VWA3B: variants seen among roughly 807,000 people sequenced by gnomAD.
The protein encoded by VWA3B is von Willebrand factor A domain containing 3B.
Under a neutral mutation model 158.3 loss-of-function variants are expected in VWA3B, and 138 were observed. That is an observed-to-expected ratio of 0.87 (90% confidence interval 0.76 to 1.00). VWA3B has a LOEUF of 1.00. Among genes scored for constraint, VWA3B ranks in the 50% least tolerant of loss-of-function variants. The pLI is 0.00. For missense variants in VWA3B, 1,555 were observed against 1,565.1 expected (o/e 0.99, Z 0.11); for synonymous variants, 596 against 587.3 (o/e 1.01, Z -0.21).
intron 2 of VWA3B, among the ~76,000 whole-genome samples, chr2:98,102,519 G>A (rs954015496): frequency 2.0e-5 from 3 of 152,014 alleles, no homozygotes; most frequent in Non-Finnish European, 2.9e-5. Context: ...CTTCCCAGAC[G>A]GGGTGGCGGC....
chr2:98,268,033 T>A (rs1203341864), intron 21 of VWA3B, among the ~76,000 whole-genome samples: 1 of 151,934 alleles, frequency 6.6e-6, no homozygotes, highest in Non-Finnish European at 1.5e-5. Context: ...GGATCTGAAA[T>A]TGTGGCAATA....
Position 98,133,851 on chromosome 2 carries a change from G to A in VWA3B, c.900G>A (p.Glu300=). Residue 300 remains glutamate (E), a synonymous_variant, in exon 7 of 28, where the codon GAG becomes GAA. Transcript: ENST00000477737. ...SRFHAFAERT[E]CVEFPAFSTK... is the part of the protein sequence containing the mutation. ...TCCACGCATTTGCCGAGAGAACAGA[G>A]TGTGTAGAATTTCCTGCATTCTCCA... is the stretch of plus-strand genomic sequence containing the variant. 6.2e-7 allele frequency: 1 copy of A among 1,614,146 alleles called. No homozygotes were observed. The highest frequency in any genetic ancestry group is 8.5e-7 in the Non-Finnish European group (1 of 1,180,026).
At chr2:98,234,627 T>G (rs1292822304) in intron 16 of VWA3B, 21 bp from the exon 17 acceptor site, 3 of 1,614,080 alleles carry the variant, frequency 1.9e-6, no homozygotes, top group Admixed American at 1.7e-5. Flanking sequence ...CCTTTAACTC[T>G]TCCCTCTGTG....
intron 19 of VWA3B, among the ~76,000 whole-genome samples, chr2:98,248,913 C>CTCCT (rs145705950): frequency 1.4e-4 from 18 of 132,730 alleles, no homozygotes; most frequent in Admixed American, 5.4e-4. Flanking sequence ...CTTTCTTTCT[C>CTCCT]TCCTTCCTTC....
At chr2:98,179,496 CTG>C (rs1680293661) in intron 8 of VWA3B, among the ~76,000 whole-genome samples, 1 of 152,188 alleles carries the variant, frequency 6.6e-6, no homozygotes, top group Admixed American at 6.5e-5. Flanking sequence ...GAAAGCCAGG[CTG>C]TGAGTCAGGA....
intron 14 of VWA3B, among the ~76,000 whole-genome samples, chr2:98,227,760 G>T (rs1685030242): frequency 1.3e-5 from 2 of 152,220 alleles, no homozygotes; most frequent in African/African-American, 4.8e-5. Flanking sequence ...TTGTAGGAGG[G>T]TGTGCAGATT....
At chr2:98,258,214 T>C (rs1376714956) in intron 21 of VWA3B, among the ~76,000 whole-genome samples, 2 of 151,980 alleles carry the variant, frequency 1.3e-5, no homozygotes, top group African/African-American at 2.4e-5. Context: ...CACTGGTCTA[T>C]ATATGACTAT....
intron 5 of VWA3B, among the ~76,000 whole-genome samples, chr2:98,122,742 G>A (rs1269182163): frequency 6.6e-6 from 1 of 152,188 alleles, no homozygotes; most frequent in Non-Finnish European, 1.5e-5. Context: ...GGATCCGCCA[G>A]TGACCCTGTC....
At chr2:98,212,361 AT>A (rs976548148) in intron 13 of VWA3B, among the ~76,000 whole-genome samples, 2 of 151,964 alleles carry the variant, frequency 1.3e-5, no homozygotes, top group South Asian at 2.1e-4. Context: ...ATTCTTTTTG[AT>A]TTTTTTTCCT....
chr2:98,326,167 A>G, the VWA3B span, among the ~76,000 whole-genome samples: 2 of 152,160 alleles, frequency 1.3e-5, no homozygotes, highest in East Asian at 1.9e-4. Context: ...ACATAGATAA[A>G]CCTCTAATTA....
intron 19 of VWA3B, among the ~76,000 whole-genome samples, chr2:98,243,882 A>G (rs534579531): frequency 6.6e-6 from 1 of 152,140 alleles, no homozygotes; most frequent in South Asian, 2.1e-4. Context: ...CACACATCCA[A>G]TCAGAACCTC....
At position 98,133,934 on chromosome 2, in the gene VWA3B, C is replaced by A. The variant is rs1484847765; in HGVS notation, c.983C>A (p.Pro328His). 6.2e-7 allele frequency: 1 copy of A among 1,613,790 alleles called. No homozygotes were observed. Among genetic ancestry groups the A allele is most frequent in the Admixed American group, 1.7e-5 (1 of 60,008 alleles). Residue 328 changes from proline (P) to histidine (H), a missense_variant, in exon 7 of 28, where the codon CCT (proline) becomes CAT (histidine). Pro to His is a moderately conservative substitution (Grantham distance 77, BLOSUM62 -2). Coordinates refer to ENST00000477737, the MANE Select transcript of VWA3B (RefSeq NM_144992.5). ...TCAAGGAAACTGAAAGGAAAACTCC[C>A]TCCAGGTACCTGGAATCCAAAAGAA... Reference protein sequence around the residue: ...WNSRKLKGKLPPGAGVREDVF... With the variant: ...WNSRKLKGKLHPGAGVREDVF...
At chr2:98,215,692 A>AT (rs1218544386) in intron 13 of VWA3B, among the ~76,000 whole-genome samples, 1 of 151,544 alleles carries the variant, frequency 6.6e-6, no homozygotes, top group East Asian at 2.0e-4. Flanking sequence ...TAATTTTTGT[A>AT]TTTTTGGTAA....
chr2:98,255,761 T>C (rs1183197669), intron 20 of VWA3B, among the ~76,000 whole-genome samples: 1 of 152,160 alleles, frequency 6.6e-6, no homozygotes, highest in Admixed American at 6.5e-5. Context: ...GAAGAGTGTC[T>C]ACAGAAAGCG....
intron 16 of VWA3B, 87 bp from the exon 17 acceptor site, chr2:98,234,561 T>C: frequency 2.5e-6 from 4 of 1,572,278 alleles, no homozygotes; most frequent in Non-Finnish European, 3.5e-6. Flanking sequence ...CATTCTTACT[T>C]TAAGGAGCTG....
intron 2 of VWA3B, among the ~76,000 whole-genome samples, 176 bp downstream of exon 2, chr2:98,093,464 G>A (rs1037675837): frequency 6.6e-6 from 1 of 152,078 alleles, no homozygotes; most frequent in African/African-American, 2.4e-5. Flanking sequence ...TTAAGTAGAC[G>A]TACAATTGTC....
intron 25 of VWA3B, among the ~76,000 whole-genome samples, chr2:98,301,653 C>T (rs937720185): frequency 4.6e-5 from 7 of 152,184 alleles, no homozygotes; most frequent in Admixed American, 1.3e-4. Context: ...ACTGTATCAC[C>T]TCTAGATTGA....
chr2:98,221,320 G>A (rs953297322), intron 14 of VWA3B, among the ~76,000 whole-genome samples: 1 of 152,124 alleles, frequency 6.6e-6, no homozygotes, highest in African/African-American at 2.4e-5. Context: ...CACCACCCCT[G>A]CCCGAGCCAA....
At chr2:98,295,202 G>A (rs1689728264) in intron 23 of VWA3B, among the ~76,000 whole-genome samples, 1 of 152,118 alleles carries the variant, frequency 6.6e-6, no homozygotes, top group Admixed American at 6.5e-5. Context: ...TGGGCAGCTG[G>A]AGGGATGCTC....
Sources: gnomAD v4.1 joint callset for allele counts (sites outside exome capture counted in the v4.1 genomes callset) on GRCh38, gnomAD v4.1.1 for gene constraint, MANE v1.5 for transcripts, NCBI Gene and HGNC (gene_info 2026-07-23, HGNC 2026-07-21) for gene names.